PDE1A: variants seen among roughly 807,000 people sequenced by gnomAD.
PDE1A encodes phosphodiesterase 1A.
A neutral mutation model predicts 61.7 loss-of-function variants in PDE1A; 35 were observed. That is an observed-to-expected ratio of 0.57 (90% CI 0.43 to 0.75). PDE1A has a LOEUF of 0.75. PDE1A is among the 30% of genes least tolerant of loss of function. PDE1A has a pLI of 0.00. For synonymous variants in PDE1A, 232 were observed against 213.2 expected, an observed-to-expected ratio of 1.09 and a Z score of -0.77; for missense variants, 597 against 630.6, an observed-to-expected ratio of 0.95 and a Z score of 0.57.
At chr2:182,502,069 A>G (rs1163689642) in intron 2 of PDE1A, among the ~76,000 whole-genome samples, 2 of 152,124 alleles carry the variant, frequency 1.3e-5, no homozygotes, top group Admixed American at 6.5e-5. Flanking sequence ...TCCTGTCCTC[A>G]GCCACACTCC....
the PDE1A span, among the ~76,000 whole-genome samples, chr2:182,608,962 C>T: frequency 2.5e-4 from 38 of 152,224 alleles, no homozygotes; most frequent in African/African-American, 9.2e-4. Context: ...ACACACCAAT[C>T]AGCACCATGT....
chr2:182,255,659 C>CTT (rs1303654382), intron 2 of PDE1A, among the ~76,000 whole-genome samples: 1,821 of 133,540 alleles, frequency 0.014, 52 homozygotes, highest in African/African-American at 0.044. Flanking sequence ...TCTTTCTTTT[C>CTT]TTTTTTTTTT....
intron 1 of PDE1A, among the ~76,000 whole-genome samples, chr2:182,265,083 T>C (rs1350115711): frequency 6.6e-6 from 1 of 151,338 alleles, no homozygotes; most frequent in African/African-American, 2.4e-5. Context: ...CTGAATAATA[T>C]AATGGACTTT....
chr2:182,404,031 T>G (rs16823164), intron 1 of PDE1A, among the ~76,000 whole-genome samples: 1,534 of 117,586 alleles, frequency 0.013, 26 homozygotes, highest in African/African-American at 0.048. Flanking sequence ...GTATAACTTA[T>G]GTCAATAGGA....
intron 1 of PDE1A, among the ~76,000 whole-genome samples, chr2:182,291,435 C>T (rs767052697): frequency 3.3e-5 from 5 of 152,146 alleles, no homozygotes; most frequent in African/African-American, 7.2e-5. Context: ...CAGTATTGCA[C>T]GTAGTGCATA....
intron 1 of PDE1A, among the ~76,000 whole-genome samples, chr2:182,345,880 T>C (rs1698490130): frequency 1.3e-5 from 2 of 152,208 alleles, no homozygotes; most frequent in South Asian, 2.1e-4. Flanking sequence ...CCATCCAACA[T>C]ACTAAGGAAT....
chr2:182,525,262 GTAAT>G (rs1320217966), upstream of PDE1A, among the ~76,000 whole-genome samples: 4 of 151,848 alleles, frequency 2.6e-5, no homozygotes, highest in African/African-American at 9.7e-5. Context: ...TCATTATAGT[GTAAT>G]TATTCAATAG....
chr2:182,385,855 C>CTCTCCCTCTCCCTCTCCG (rs1701033649), intron 1 of PDE1A, among the ~76,000 whole-genome samples: 4 of 143,472 alleles, frequency 2.8e-5, no homozygotes, highest in African/African-American at 1.0e-4. Context: ...CCTCTCCCTC[C>CTCTCCCTCTCCCTCTCCG]TCTCCCTCTC....
intron 1 of PDE1A, among the ~76,000 whole-genome samples, chr2:182,313,762 CATT>C (rs57881742): frequency 0.68 from 103,066 of 151,704 alleles, 36,182 homozygotes; most frequent in Middle Eastern, 0.8. Flanking sequence ...TAGGATGAAA[CATT>C]AGTAGGTTTT....
rs1196322251 is a variant in PDE1A at position 182,512,328 on chromosome 2, G to A, written c.101+9948C>T. ...CCCCAGTATTAGAGCATGCAGCCCAGGAGTGCTGAGCTGAGACTTGGCCCC... is the reference window on the plus strand; with the variant it reads ...CCCCAGTATTAGAGCATGCAGCCCAAGAGTGCTGAGCTGAGACTTGGCCCC... On this transcript the variant is annotated intron_variant, in intron 2 of 14. Transcript: ENST00000410103. 3.9e-5 allele frequency among the ~76,000 whole-genome samples: 6 copies of A among 152,246 alleles called. No individual in the cohort carries two copies. The East Asian group carries it at 9.7e-4, about 25-fold the overall frequency.
chr2:182,445,399 CA>C (rs1293103706), intron 2 of PDE1A, among the ~76,000 whole-genome samples: 1 of 152,080 alleles, frequency 6.6e-6, no homozygotes, highest in Non-Finnish European at 1.5e-5. Flanking sequence ...TCCATTTTCC[CA>C]CTTGACATTG....
intron 2 of PDE1A, among the ~76,000 whole-genome samples, chr2:182,458,123 G>A (rs189342241): frequency 3.3e-5 from 5 of 152,082 alleles, no homozygotes; most frequent in Admixed American, 3.3e-4. Flanking sequence ...AATTTTAGGA[G>A]AATGCCACTT....
chr2:182,335,548 G>C (rs1427880447), intron 1 of PDE1A, among the ~76,000 whole-genome samples: 1 of 152,150 alleles, frequency 6.6e-6, no homozygotes, highest in African/African-American at 2.4e-5. Context: ...ATGGTGTTGG[G>C]AAAACTGGCT....
the PDE1A span, among the ~76,000 whole-genome samples, chr2:182,585,644 T>C: frequency 6.6e-6 from 1 of 152,128 alleles, no homozygotes; most frequent in African/African-American, 2.4e-5. Flanking sequence ...GAACAGATAA[T>C]AACACAAGGA....
At chr2:182,641,096 AT>A in the PDE1A span, among the ~76,000 whole-genome samples, 4 of 151,994 alleles carry the variant, frequency 2.6e-5, no homozygotes, top group African/African-American at 4.8e-5. Context: ...GTTTTCAAAC[AT>A]GTGAAAAATG....
At chr2:182,218,310 C>G (rs900600400) in intron 7 of PDE1A, among the ~76,000 whole-genome samples, 13 of 148,730 alleles carry the variant, frequency 8.7e-5, no homozygotes, top group African/African-American at 3.0e-4. Flanking sequence ...GGGAGATATA[C>G]CTAATGCTAG....
the PDE1A span, among the ~76,000 whole-genome samples, chr2:182,606,161 C>G: frequency 6.6e-6 from 1 of 152,058 alleles, no homozygotes; most frequent in African/African-American, 2.4e-5. Context: ...TATGTATGTA[C>G]GTATGTAGTT....
At chr2:182,648,830 T>C in the PDE1A span, among the ~76,000 whole-genome samples, 1 of 152,098 alleles carries the variant, frequency 6.6e-6, no homozygotes, top group Non-Finnish European at 1.5e-5. Context: ...ACACTTCCAG[T>C]CACATTTTTA....
At chr2:182,376,695 C>A (rs76961786) in intron 1 of PDE1A, among the ~76,000 whole-genome samples, 7,879 of 152,162 alleles carry the variant, frequency 0.052, 700 homozygotes, top group African/African-American at 0.18. Context: ...TACCAATTTA[C>A]TGTATTAGTC....
Sources: gnomAD v4.1 joint callset for allele counts (sites outside exome capture counted in the v4.1 genomes callset) on GRCh38, gnomAD v4.1.1 for gene constraint, MANE v1.5 for transcripts, NCBI Gene and HGNC (gene_info 2026-07-23, HGNC 2026-07-21) for gene names.